The following PCCA variants were observed in gnomAD, a reference collection of about 807,000 sequenced individuals.
PCCA encodes the protein propionyl-CoA carboxylase subunit alpha.
Under a neutral mutation model 101.3 loss-of-function variants are expected in PCCA, and 74 were observed. The ratio of observed to expected loss-of-function variants is 0.73; its 90% CI spans 0.61 to 0.89. PCCA has a LOEUF of 0.89. Ranked by LOEUF, PCCA falls within the 40% of genes least tolerant of loss-of-function variation. The pLI is 0.00. For missense variants in PCCA, 891 were observed against 907.0 expected (o/e 0.98, Z 0.23); for synonymous variants, 294 against 313.6 (o/e 0.94, Z 0.66).
At chr13:100,289,598 G>T (rs1024004111) in intron 12 of PCCA, among the ~76,000 whole-genome samples, 3 of 150,436 alleles carry the variant, frequency 2.0e-5, no homozygotes, top group Non-Finnish European at 4.4e-5. Context: ...TTTTCTGTTT[G>T]TTGCTTGAAA....
chr13:100,322,098 C>G (rs191041950), intron 16 of PCCA, among the ~76,000 whole-genome samples: 1 of 152,252 alleles, frequency 6.6e-6, no homozygotes, highest in Admixed American at 6.5e-5. Flanking sequence ...TCTCATGTAA[C>G]TGTCTGGTCC....
chr13:100,092,055 G>C (rs2046328951), intron 1 of PCCA, among the ~76,000 whole-genome samples: 1 of 151,904 alleles, frequency 6.6e-6, no homozygotes, highest in African/African-American at 2.4e-5. Flanking sequence ...CAAGTGGCTG[G>C]GACTACAGGC....
chr13:100,354,329 GAGA>G (rs1451014822), intron 18 of PCCA, among the ~76,000 whole-genome samples: 20 of 55,846 alleles, frequency 3.6e-4, no homozygotes, highest in South Asian at 2.1e-3. Context: ...AAGAAAGAAA[GAGA>G]GGGGGCGGTG....
chr13:100,489,582 T>C (rs550630228), intron 21 of PCCA, among the ~76,000 whole-genome samples: 8 of 152,388 alleles, frequency 5.2e-5, no homozygotes, highest in Admixed American at 4.6e-4. Context: ...TGTATGTGTG[T>C]GCACATATGT....
At chr13:100,308,901 T>C (rs1464585648) in intron 15 of PCCA, among the ~76,000 whole-genome samples, 2 of 152,210 alleles carry the variant, frequency 1.3e-5, no homozygotes, top group Non-Finnish European at 2.9e-5. Context: ...TAAGGTCTTA[T>C]TTCATTGCCA....
chr13:100,132,283 G>GACTCCCTTGTGAGTCATTACCCCTCAT (rs2050609237), intron 4 of PCCA, among the ~76,000 whole-genome samples: 1 of 151,972 alleles, frequency 6.6e-6, no homozygotes. Flanking sequence ...TTACCCCTCA[G>GACTCCCTTGTGAGTCATTACCCCTCAT]ACTCCCTTGT....
Position 100,498,259 on chromosome 13 carries a change from A to AT in PCCA, c.1900-17159dup, listed in dbSNP as rs1274959838. The stretch of plus-strand genomic sequence containing the variant: ...CCAAAAAAAAAAAAAAAAATTACCG[A>AT]TTTTTTTTTATTTTTTCATTCACAA... On this transcript the variant is annotated intron_variant, in intron 21 of 23. Coordinates refer to ENST00000376285, the MANE Select transcript of PCCA (RefSeq NM_000282.4). Among the ~76,000 whole-genome samples the AT allele has an allele frequency of 2.4e-3, 361 of 148,240 alleles. 4 individuals carry two copies. The highest frequency in any genetic ancestry group is 8.1e-3 in the African/African-American group (329 of 40,398).
At chr13:100,496,527 C>T (rs1002960111) in intron 21 of PCCA, among the ~76,000 whole-genome samples, 2 of 151,962 alleles carry the variant, frequency 1.3e-5, no homozygotes, top group Non-Finnish European at 1.5e-5. Flanking sequence ...TCCTCGTTGT[C>T]CCCTCTCGGG....
chr13:100,530,357 T>C lies in PCCA; in HGVS notation c.*191T>C. 1 of 644,276 alleles carries C rather than the reference T, an allele frequency of 1.6e-6. No homozygotes were observed. The highest frequency in any genetic ancestry group is 2.8e-6 in the Non-Finnish European group (1 of 355,734). The allele number at this position is 644,276 out of a possible 1,614,324, so 39.9% of individuals were successfully genotyped here. A position where few individuals can be genotyped will look rare whatever the true frequency, so the allele number is the denominator to read the frequency against. On this transcript the variant is annotated 3_prime_UTR_variant, in exon 24 of 24. Transcript: ENST00000376285. ...TGGAAATTTTCATTGATATAAATAC[T>C]TGTACATATGATTTGTACTTCTGCT...
At chr13:100,384,971 A>T (rs1399576864) in intron 19 of PCCA, among the ~76,000 whole-genome samples, 1 of 152,074 alleles carries the variant, frequency 6.6e-6, no homozygotes, top group Non-Finnish European at 1.5e-5. Flanking sequence ...GTCATATTTT[A>T]TATTTATTTT....
At chr13:100,442,595 G>A (rs1381278646) in intron 20 of PCCA, among the ~76,000 whole-genome samples, 1 of 152,206 alleles carries the variant, frequency 6.6e-6, no homozygotes, top group African/African-American at 2.4e-5. Context: ...GGAACGCCCA[G>A]TATGGCCTAG....
intron 10 of PCCA, among the ~76,000 whole-genome samples, chr13:100,265,549 G>T (rs934088211): frequency 1.3e-5 from 2 of 151,984 alleles, no homozygotes; most frequent in Admixed American, 6.6e-5. Context: ...CTGTCAACCT[G>T]TTCCCCCTAC....
intron 16 of PCCA, among the ~76,000 whole-genome samples, chr13:100,319,528 G>A (rs1360463399): frequency 1.3e-5 from 2 of 152,102 alleles, no homozygotes; most frequent in Non-Finnish European, 2.9e-5. Flanking sequence ...TGTAAGGAAG[G>A]GATCCAGTTT....
intron 12 of PCCA, among the ~76,000 whole-genome samples, chr13:100,287,605 C>T (rs1034788157): frequency 3.3e-5 from 5 of 151,956 alleles, no homozygotes; most frequent in Non-Finnish European, 2.9e-5. Flanking sequence ...TATTTAATCC[C>T]GCTGTCTTTA....
intron 21 of PCCA, among the ~76,000 whole-genome samples, chr13:100,497,461 A>AT (rs760521573): frequency 0.033 from 4,715 of 142,654 alleles, 241 homozygotes; most frequent in African/African-American, 0.11. Context: ...AGCCAATTTA[A>AT]TTTTTTTTTT....
In PCCA at chr13:100,115,008, C is replaced by G. The variant is rs145816352; in HGVS notation, c.300+2947C>G. Reference sequence around the variant, plus strand: ...TTTATTGTAGCATTTTTCACAATAGCCAAGATTTGGAGGCAACTTAAGTAT... The same window carrying G: ...TTTATTGTAGCATTTTTCACAATAGGCAAGATTTGGAGGCAACTTAAGTAT... On this transcript the variant is annotated intron_variant, in intron 4 of 23. Coordinates refer to ENST00000376285, the MANE Select transcript of PCCA (RefSeq NM_000282.4). Among the ~76,000 whole-genome samples the G allele has an allele frequency of 2.2e-3, 336 of 152,172 alleles. 4 individuals are homozygous for G. Among genetic ancestry groups the G allele is most frequent in the African/African-American group, 7.9e-3 (326 of 41,510 alleles).
At chr13:100,453,057 G>A (rs2081447526) in intron 21 of PCCA, among the ~76,000 whole-genome samples, 1 of 151,990 alleles carries the variant, frequency 6.6e-6, no homozygotes. Context: ...TTAGCTGGGT[G>A]TGGTGGTGCA....
At chr13:100,517,663 C>T (rs910613485) in intron 22 of PCCA, among the ~76,000 whole-genome samples, 1 of 152,116 alleles carries the variant, frequency 6.6e-6, no homozygotes, top group African/African-American at 2.4e-5. Context: ...GTTCTGTTTG[C>T]GGGGGCTGCT....
At chr13:100,208,525 G>T (rs1249509125) in intron 6 of PCCA, among the ~76,000 whole-genome samples, 1 of 152,130 alleles carries the variant, frequency 6.6e-6, no homozygotes, top group African/African-American at 2.4e-5. Flanking sequence ...TTTATGTAAT[G>T]ACTTCATCCT....
Sources: gnomAD v4.1 joint callset for allele counts (sites outside exome capture counted in the v4.1 genomes callset) on GRCh38, gnomAD v4.1.1 for gene constraint, MANE v1.5 for transcripts, NCBI Gene and HGNC (gene_info 2026-07-23, HGNC 2026-07-21) for gene names.